The following ARMC9 variants were observed in gnomAD, a reference collection of about 807,000 sequenced individuals.
ARMC9 encodes armadillo repeat containing 9, also known as lisH domain-containing protein ARMC9.
A neutral mutation model predicts 107.0 loss-of-function variants in ARMC9; 94 were observed. The observed-to-expected ratio is 0.88, with a 90% CI of 0.74 to 1.04. The LOEUF is 1.04. Ranked by LOEUF, ARMC9 falls within the 50% of genes least tolerant of loss-of-function variation. The pLI is 0.00. For missense variants in ARMC9, 942 were observed against 1,030.1 expected, an observed-to-expected ratio of 0.91 and a Z score of 1.17; for synonymous variants, 380 against 396.9, an observed-to-expected ratio of 0.96 and a Z score of 0.51.
chr2:231,253,255 A>G (rs2037466604), intron 9 of ARMC9, among the ~76,000 whole-genome samples: 1 of 152,052 alleles, frequency 6.6e-6, no homozygotes, highest in Non-Finnish European at 1.5e-5. Flanking sequence ...CTGGGACTAC[A>G]GGTTTGTGCC....
intron 6 of ARMC9, among the ~76,000 whole-genome samples, chr2:231,224,788 T>C (rs2034486478): frequency 6.6e-6 from 1 of 152,222 alleles, no homozygotes; most frequent in Non-Finnish European, 1.5e-5. Context: ...GGCCAAGATG[T>C]AATTCTCTTA....
At chr2:231,286,789 A>G (rs971185864) in intron 17 of ARMC9, among the ~76,000 whole-genome samples, 1 of 152,270 alleles carries the variant, frequency 6.6e-6, no homozygotes, top group African/African-American at 2.4e-5. Context: ...AAATGACACA[A>G]TATACATAAA....
rs776851243 is a variant in ARMC9, at chr2:231,278,666, G to A, written c.1551+208G>A. On this transcript the variant is annotated intron_variant, in intron 16 of 24. Transcript: ENST00000611582. ...AAGTCAGAAGCAGGATGTTCTTTCCGTCCCTGTCTGCTTGGCCCACTGGCC... is the reference window on the plus strand; with the variant it reads ...AAGTCAGAAGCAGGATGTTCTTTCCATCCCTGTCTGCTTGGCCCACTGGCC... Among the ~76,000 whole-genome samples the A allele has an allele frequency of 2.5e-4, 38 of 152,148 alleles. 1 individual carries two copies. Among genetic ancestry groups the A allele is most frequent in the Non-Finnish European group, 4.6e-4 (31 of 68,024 alleles).
intron 12 of ARMC9, among the ~76,000 whole-genome samples, chr2:231,265,246 C>A (rs534982702): frequency 6.6e-6 from 1 of 152,310 alleles, no homozygotes; most frequent in African/African-American, 2.4e-5. Context: ...AACAGTCCCA[C>A]TAGTGGCCAT....
At chr2:231,241,625 T>C (rs1311665999) in intron 9 of ARMC9, among the ~76,000 whole-genome samples, 1 of 152,104 alleles carries the variant, frequency 6.6e-6, no homozygotes, top group African/African-American at 2.4e-5. Flanking sequence ...TTTTAGTATT[T>C]AAAAGAAAAT....
intron 6 of ARMC9, among the ~76,000 whole-genome samples, chr2:231,223,697 C>T (rs2551896): frequency 0.99 from 150,631 of 152,298 alleles, 74,498 homozygotes; most frequent in East Asian, 1. Flanking sequence ...GTCACTAGGA[C>T]TCCATGCCAC....
At chr2:231,314,276 A>G (rs1259401734) in intron 19 of ARMC9, among the ~76,000 whole-genome samples, 1 of 151,508 alleles carries the variant, frequency 6.6e-6, no homozygotes, top group African/African-American at 2.4e-5. Flanking sequence ...ATGGGGTTTC[A>G]CCATGTTGGT....
intron 22 of ARMC9, 143 bp downstream of exon 22, chr2:231,356,077 A>C (rs1165337562): frequency 6.9e-6 from 8 of 1,152,928 alleles, no homozygotes; most frequent in East Asian, 2.7e-5. Context: ...ACAGAGGCTC[A>C]CGGGATTCCC....
chr2:231,354,685 CAT>C (rs2125590114), intron 21 of ARMC9, among the ~76,000 whole-genome samples: 1 of 152,272 alleles, frequency 6.6e-6, no homozygotes, highest in African/African-American at 2.4e-5. Context: ...CCTAGCCAGA[CAT>C]ATGAAATTGA....
chr2:231,339,140 C>T (rs575719756), intron 20 of ARMC9, among the ~76,000 whole-genome samples: 133 of 152,084 alleles, frequency 8.7e-4, no homozygotes, highest in African/African-American at 3.1e-3. Context: ...CCAGCCTGGC[C>T]AACATGGTGA....
intron 5 of ARMC9, 44 bp downstream of exon 5, chr2:231,216,837 T>C (rs777223132): frequency 5.7e-6 from 9 of 1,581,140 alleles, no homozygotes; most frequent in East Asian, 2.2e-5. Flanking sequence ...CTGGGTGACA[T>C]TGTGGTTTTA....
In ARMC9 at chr2:231,359,595, G is replaced by A. The variant is rs542047974; in HGVS notation, c.2132-1159G>A. Reference sequence around the variant, plus strand: ...CCTGGTCCTAGAGGACTTGCCTGGCGTGGGCACAGCTTTGTGACTCCACAC... The same window carrying A: ...CCTGGTCCTAGAGGACTTGCCTGGCATGGGCACAGCTTTGTGACTCCACAC... On this transcript the variant is annotated intron_variant, in intron 22 of 24. Coordinates refer to ENST00000611582, the MANE Select transcript of ARMC9 (RefSeq NM_001352754.2). Among the ~76,000 whole-genome samples, 10 of 152,270 alleles carry A rather than the reference G, an allele frequency of 6.6e-5. No homozygotes were observed. In the South Asian group the frequency reaches 1.2e-3, roughly 19 times the overall value.
chr2:231,271,605 C>T (rs2039333495), intron 13 of ARMC9, among the ~76,000 whole-genome samples: 2 of 152,170 alleles, frequency 1.3e-5, no homozygotes, highest in Admixed American at 1.3e-4. Flanking sequence ...TTTATTTGAG[C>T]TCTTTATAAT....
At position 231,363,658 on chromosome 2, in the gene ARMC9, G is replaced by A. The variant is rs561950368; in HGVS notation, c.2261+2775G>A. ...TCCCAGCACTTTGGGAGGCCAAGGC[G>A]GGCGGACAACGAGGTCAAGAGATCA... On this transcript the variant is annotated intron_variant, in intron 23 of 24. Coordinates refer to ENST00000611582, the MANE Select transcript of ARMC9 (RefSeq NM_001352754.2). Among the ~76,000 whole-genome samples the A allele has an allele frequency of 9.2e-5, 14 of 152,246 alleles. No individual in the cohort carries two copies. In the South Asian group the frequency reaches 2.7e-3, roughly 29 times the overall value.
chr2:231,332,123 A>T (rs1406414245), intron 20 of ARMC9, among the ~76,000 whole-genome samples: 1 of 152,228 alleles, frequency 6.6e-6, no homozygotes, highest in East Asian at 1.9e-4. Flanking sequence ...AGATATAACT[A>T]GAAGGCATAT....
intron 19 of ARMC9, 133 bp downstream of exon 19, chr2:231,296,386 G>A: frequency 1.2e-6 from 1 of 830,568 alleles, no homozygotes; most frequent in South Asian, 1.9e-5. Flanking sequence ...CTGAGGGTTG[G>A]CTAAAGCTCA....
At chr2:231,235,780 T>G (rs2035655187) in intron 8 of ARMC9, among the ~76,000 whole-genome samples, 1 of 152,082 alleles carries the variant, frequency 6.6e-6, no homozygotes, top group Non-Finnish European at 1.5e-5. Context: ...GTAGCTGGGA[T>G]TACAGGCATG....
chr2:231,282,045 T>C lies in ARMC9; in HGVS notation c.1552-14T>C, dbSNP rs760484950. 2.3e-5 allele frequency: 37 copies of C among 1,613,532 alleles called. No homozygotes were observed. The highest frequency in any genetic ancestry group is 3.1e-5 in the Non-Finnish European group (36 of 1,179,600). ...AAAACTTGCAAATAACTGGTTTTTTTCCTCCCCTTAAAGATACAGCCGTAT... is the reference window on the plus strand; with the variant it reads ...AAAACTTGCAAATAACTGGTTTTTTCCCTCCCCTTAAAGATACAGCCGTAT... On this transcript the variant is annotated splice_polypyrimidine_tract_variant and intron_variant, in intron 16 of 24. Coordinates refer to ENST00000611582, the MANE Select transcript of ARMC9 (RefSeq NM_001352754.2).
intron 20 of ARMC9, among the ~76,000 whole-genome samples, chr2:231,336,613 A>G (rs554117921): frequency 4.6e-5 from 7 of 152,314 alleles, no homozygotes; most frequent in Non-Finnish European, 7.4e-5. Flanking sequence ...GCCTATAGTG[A>G]ATGCTAATTG....
Sources: gnomAD v4.1 joint callset for allele counts (sites outside exome capture counted in the v4.1 genomes callset) on GRCh38, gnomAD v4.1.1 for gene constraint, MANE v1.5 for transcripts, NCBI Gene and HGNC (gene_info 2026-07-23, HGNC 2026-07-21) for gene names.